The following PDGFC variants were observed in gnomAD, a reference collection of about 807,000 sequenced individuals.
The protein encoded by PDGFC is platelet-derived growth factor C.
PDGFC carries 12 observed loss-of-function variants against 35.5 expected under a neutral mutation model. The ratio of observed to expected loss-of-function variants is 0.34; its 90% CI spans 0.22 to 0.55. The LOEUF (loss-of-function observed/expected upper bound fraction) is 0.55. Ranked by LOEUF, PDGFC falls within the 20% of genes least tolerant of loss-of-function variation. PDGFC has a pLI of 0.91. For missense variants in PDGFC, 322 were observed against 412.4 expected (o/e 0.78, Z 1.90); for synonymous variants, 159 against 148.8 (o/e 1.07, Z -0.50).
chr4:156,782,876 C>T (rs1159554323), intron 3 of PDGFC, among the ~76,000 whole-genome samples: 3 of 152,144 alleles, frequency 2.0e-5, no homozygotes, highest in Admixed American at 6.5e-5. Flanking sequence ...ACTCCTGTCA[C>T]GTGCTCACAA....
chr4:156,832,364 C>T (rs1728964129), intron 2 of PDGFC, among the ~76,000 whole-genome samples: 1 of 148,958 alleles, frequency 6.7e-6, no homozygotes, highest in South Asian at 2.1e-4. Flanking sequence ...TCAAGCGATT[C>T]TCCTGCCTCA....
At chr4:156,890,365 T>C (rs1730474412) in intron 1 of PDGFC, among the ~76,000 whole-genome samples, 1 of 152,152 alleles carries the variant, frequency 6.6e-6, no homozygotes, top group Admixed American at 6.6e-5. Context: ...CCTGCACCCA[T>C]CATTCCAGCT....
intron 3 of PDGFC, among the ~76,000 whole-genome samples, chr4:156,776,806 A>G (rs1730841336): frequency 6.6e-6 from 1 of 152,194 alleles, no homozygotes; most frequent in South Asian, 2.1e-4. Context: ...AGATACTCAC[A>G]TGTAGGGAAG....
At chr4:156,871,295 A>G (rs1272144344) in intron 1 of PDGFC, among the ~76,000 whole-genome samples, 2 of 152,068 alleles carry the variant, frequency 1.3e-5, no homozygotes, top group East Asian at 3.9e-4. Flanking sequence ...ACAGGCCTAA[A>G]AGGGATTAGA....
In PDGFC at chr4:156,865,634, A is replaced by G. The variant is rs1468243729; in HGVS notation, c.119-15218T>C. Among the ~76,000 whole-genome samples, 4 of 152,168 alleles carry G rather than the reference A, an allele frequency of 2.6e-5. No individual in the cohort carries two copies. In the South Asian group the frequency reaches 6.2e-4, roughly 24 times the overall value. ...CCATCACCACTCTACCAATTAGAAAACTTCTAACTAGATTAAGACATTATG... is the reference window on the plus strand; with the variant it reads ...CCATCACCACTCTACCAATTAGAAAGCTTCTAACTAGATTAAGACATTATG... On this transcript the variant is annotated intron_variant, in intron 1 of 5. Coordinates refer to ENST00000502773, the MANE Select transcript of PDGFC (RefSeq NM_016205.3).
At chr4:156,852,089 A>G (rs1729471961) in intron 1 of PDGFC, among the ~76,000 whole-genome samples, 1 of 152,154 alleles carries the variant, frequency 6.6e-6, no homozygotes, top group African/African-American at 2.4e-5. Flanking sequence ...TAGACTGGAC[A>G]TTGAACACAT....
chr4:156,787,311 A>T (rs1314428550), intron 3 of PDGFC, among the ~76,000 whole-genome samples: 1 of 152,178 alleles, frequency 6.6e-6, no homozygotes, highest in Non-Finnish European at 1.5e-5. Context: ...AGTGAAAAGA[A>T]GTGAATAATC....
At chr4:156,789,513 T>A (rs1361938236) in intron 3 of PDGFC, among the ~76,000 whole-genome samples, 1 of 152,190 alleles carries the variant, frequency 6.6e-6, no homozygotes, top group Non-Finnish European at 1.5e-5. Context: ...TTTCTCAAGA[T>A]CTGCACGTGT....
intron 1 of PDGFC, among the ~76,000 whole-genome samples, chr4:156,890,451 C>T (rs1016402755): frequency 9.2e-5 from 14 of 152,246 alleles, no homozygotes; most frequent in African/African-American, 2.9e-4. Context: ...GTCTCTGTTT[C>T]GAATGCCCTT....
intron 5 of PDGFC, among the ~76,000 whole-genome samples, chr4:156,763,773 A>G (rs903941362): frequency 1.3e-5 from 2 of 152,242 alleles, no homozygotes; most frequent in Non-Finnish European, 1.5e-5. Flanking sequence ...CTTCATAGAC[A>G]TCAGCCCCAG....
chr4:156,951,316 G>C (rs1732075166), intron 1 of PDGFC, among the ~76,000 whole-genome samples: 1 of 151,746 alleles, frequency 6.6e-6, no homozygotes, highest in Admixed American at 6.6e-5. Context: ...AATCAATGCA[G>C]GCAAATAGTT....
chr4:156,842,912 T>C (rs1312712174), intron 2 of PDGFC, among the ~76,000 whole-genome samples: 1 of 152,154 alleles, frequency 6.6e-6, no homozygotes, highest in East Asian at 1.9e-4. Context: ...ATCTCCTCAT[T>C]ATGACTAATC....
intron 2 of PDGFC, among the ~76,000 whole-genome samples, chr4:156,825,962 A>G (rs1259681453): frequency 6.6e-6 from 1 of 151,316 alleles, no homozygotes; most frequent in African/African-American, 2.4e-5. Context: ...TTTAACTCCT[A>G]GCCCCAAGGG....
intron 5 of PDGFC, 21 bp downstream of exon 5, chr4:156,767,752 A>T (rs371563122): frequency 4.1e-5 from 63 of 1,528,702 alleles, no homozygotes; most frequent in Non-Finnish European, 5.6e-5. Context: ...AAGGAAACCA[A>T]AAAGAAAATT....
intron 1 of PDGFC, among the ~76,000 whole-genome samples, chr4:156,879,373 C>T (rs1279229891): frequency 6.6e-6 from 1 of 152,156 alleles, no homozygotes; most frequent in Admixed American, 6.6e-5. Flanking sequence ...AAGGCAGATG[C>T]AGTTGTGCCA....
chr4:156,920,910 G>A (rs1026139174), intron 1 of PDGFC, among the ~76,000 whole-genome samples: 11 of 152,124 alleles, frequency 7.2e-5, no homozygotes, highest in African/African-American at 2.7e-4. Context: ...CAGACCGAAA[G>A]TTAAATTTCA....
intron 3 of PDGFC, among the ~76,000 whole-genome samples, chr4:156,805,808 T>C (rs1332536098): frequency 6.6e-6 from 1 of 152,036 alleles, no homozygotes; most frequent in Non-Finnish European, 1.5e-5. Flanking sequence ...CAATATTCAC[T>C]GTGCTGCTTT....
At chr4:156,795,721 G>A (rs1579013810) in intron 3 of PDGFC, among the ~76,000 whole-genome samples, 1 of 152,246 alleles carries the variant, frequency 6.6e-6, no homozygotes, top group South Asian at 2.1e-4. Context: ...TTTACATATT[G>A]TATAGTTAAA....
chr4:156,864,126 G>A (rs919401719), intron 1 of PDGFC, among the ~76,000 whole-genome samples: 1 of 151,918 alleles, frequency 6.6e-6, no homozygotes, highest in African/African-American at 2.4e-5. Flanking sequence ...TGGCTAAACT[G>A]CCTAAGAAAA....
Sources: gnomAD v4.1 joint callset for allele counts (sites outside exome capture counted in the v4.1 genomes callset) on GRCh38, gnomAD v4.1.1 for gene constraint, MANE v1.5 for transcripts, NCBI Gene and HGNC (gene_info 2026-07-23, HGNC 2026-07-21) for gene names.